The following LRRD1 variants were observed in gnomAD, a reference collection of about 807,000 sequenced individuals.
The protein encoded by LRRD1 is leucine rich repeats and death domain containing 1.
In LRRD1, 49 loss-of-function variants were observed where a neutral mutation model predicts 69.5. The observed-to-expected ratio is 0.70, with a 90% CI of 0.56 to 0.89. The LOEUF is 0.89. Ranked by LOEUF, LRRD1 falls within the 40% of genes least tolerant of loss-of-function variation. The pLI, the probability that LRRD1 is intolerant of heterozygous loss-of-function variation, is 0.00. For missense variants in LRRD1, 853 were observed against 956.0 expected (o/e 0.89, Z 1.42); for synonymous variants, 303 against 338.9 (o/e 0.89, Z 1.16).
At chr7:92,142,685 G>A, downstream of LRRD1, 1 of 403,994 alleles carries the variant, frequency 2.5e-6, no homozygotes, top group South Asian at 1.8e-5. Context: ...TCTTCCTTCT[G>A]GTGGGATCGT....
intron 1 of LRRD1, among the ~76,000 whole-genome samples, chr7:92,172,014 C>CT (rs1263786517): frequency 6.6e-6 from 1 of 152,168 alleles, no homozygotes; most frequent in Non-Finnish European, 1.5e-5. Flanking sequence ...GTCCCAGCTA[C>CT]TTAGGAAGGT....
At chr7:92,168,121 C>T (rs758914919) in intron 1 of LRRD1, among the ~76,000 whole-genome samples, 2 of 151,898 alleles carry the variant, frequency 1.3e-5, no homozygotes, top group African/African-American at 2.4e-5. Flanking sequence ...TTCCTAAGAC[C>T]GCAAAGGTGA....
Position 92,165,166 on chromosome 7 carries a change from C to T in LRRD1, c.37G>A (p.Asp13Asn), listed in dbSNP as rs992836478. The change falls in exon 2 of 6, where the codon GAT (aspartate) becomes AAT (asparagine). Residue 13 changes from aspartate to asparagine, a missense_variant. Coordinates refer to ENST00000458448, the MANE Select transcript of LRRD1 (RefSeq NM_001161528.2). ...TCTTTCCTAAATTGACTAATAGTAT[C>T]CTCTAGCACTTCTGACATACCCTCC... ...EKEGMSEVLE[D>N]TISQFRKESR... 1 of 1,527,716 alleles carries T rather than the reference C, an allele frequency of 6.5e-7. No homozygotes were observed. The highest frequency in any genetic ancestry group is 1.2e-5 in the South Asian group (1 of 80,482). 94.6% of individuals were successfully genotyped at this position (1,527,716 alleles called of 1,614,324 possible).
intron 4 of LRRD1, among the ~76,000 whole-genome samples, chr7:92,149,063 A>G (rs960915644): frequency 1.3e-5 from 2 of 152,102 alleles, no homozygotes; most frequent in Non-Finnish European, 2.9e-5. Flanking sequence ...CCCTTTTTAT[A>G]GTAACAATTA....
intron 4 of LRRD1, among the ~76,000 whole-genome samples, chr7:92,148,763 T>G (rs1322805387): frequency 1.7e-4 from 26 of 152,220 alleles, no homozygotes; most frequent in Non-Finnish European, 1.5e-5. Flanking sequence ...TCCTTTCATT[T>G]TTTAGACGGA....
At chr7:92,173,407 C>T (rs927127649) in intron 1 of LRRD1, among the ~76,000 whole-genome samples, 1 of 152,142 alleles carries the variant, frequency 6.6e-6, no homozygotes, top group African/African-American at 2.4e-5. Flanking sequence ...AGTGAAGAGA[C>T]AGCCCACACA....
chr7:92,147,546 T>C (rs897475252), intron 4 of LRRD1, among the ~76,000 whole-genome samples: 4 of 152,138 alleles, frequency 2.6e-5, no homozygotes, highest in African/African-American at 4.8e-5. Context: ...TGTACGTGCT[T>C]CTTTATGTGC....
intron 4 of LRRD1, among the ~76,000 whole-genome samples, chr7:92,147,947 G>T (rs963662571): frequency 3.9e-5 from 6 of 151,924 alleles, no homozygotes; most frequent in African/African-American, 1.2e-4. Context: ...GACAGAGTCT[G>T]GCTCTGTCAC....
rs147233788 is a variant in LRRD1 at position 92,172,954 on chromosome 7, G to A, written c.-75+6053C>T. ...TCCTGACTCCAAATTATACCCCAAAGTTATAGTAACCAAATCAACATGATA... is the reference window on the plus strand; with the variant it reads ...TCCTGACTCCAAATTATACCCCAAAATTATAGTAACCAAATCAACATGATA... On this transcript the variant is annotated intron_variant, in intron 1 of 5. Coordinates refer to ENST00000458448, the MANE Select transcript of LRRD1 (RefSeq NM_001161528.2). Among the ~76,000 whole-genome samples the A allele has an allele frequency of 9.7e-3, 1,475 of 152,126 alleles. 33 individuals are homozygous for A. The highest frequency in any genetic ancestry group is 0.034 in the African/African-American group (1,406 of 41,516).
At chr7:92,174,499 ATATATATATATTTTTTTTTTTTT>A (rs1309682993) in intron 1 of LRRD1, among the ~76,000 whole-genome samples, 5 of 18,776 alleles carry the variant, frequency 2.7e-4, no homozygotes, top group African/African-American at 1.1e-3. Flanking sequence ...ATATATATAT[ATATATATATATTTTTTTTTTTTT>A]TTTTTTTTTT....
chr7:92,163,772 C>T lies in LRRD1; in HGVS notation c.1431G>A (p.Met477Ile). Residue 477 changes from methionine (M) to isoleucine (I), a missense_variant, in exon 2 of 6, where the codon ATG becomes ATA. Met to Ile is a conservative substitution (Grantham distance 10). This residue lies in a region of LRRD1 where 739 missense variants were observed against 808.0 expected (regional missense o/e 0.91). Transcript: ENST00000458448. ...IKIELSYNKI[M>I]YFPLGLCALD... ...AAGCACACAGTCCCAATGGAAAATA[C>T]ATTATTTTGTTATAACTCAATTCAA... 6.6e-7 allele frequency: 1 copy of T among 1,507,936 alleles called. No homozygotes were observed. The highest frequency in any genetic ancestry group is 1.3e-5 in the South Asian group (1 of 76,716). 93.4% of individuals were successfully genotyped at this position (1,507,936 alleles called of 1,614,324 possible). A position where few individuals can be genotyped will look rare whatever the true frequency, so the allele number is the denominator to read the frequency against.
At chr7:92,178,273 A>T (rs942758688) in intron 1 of LRRD1, among the ~76,000 whole-genome samples, 1 of 152,152 alleles carries the variant, frequency 6.6e-6, no homozygotes, top group African/African-American at 2.4e-5. Flanking sequence ...AGATCACGCC[A>T]TTGCACTCCA....
Position 92,146,088 on chromosome 7 carries a change from T to C in LRRD1, c.2391A>G (p.Thr797=). The C allele has an allele frequency of 6.7e-7, 1 of 1,499,324 alleles. No individual in the cohort carries two copies. Among genetic ancestry groups the C allele is most frequent in the Non-Finnish European group, 9.0e-7 (1 of 1,114,292 alleles). The allele number at this position is 1,499,324 out of a possible 1,614,324, so 92.9% of individuals were successfully genotyped here. A position where few individuals can be genotyped will look rare whatever the true frequency, so the allele number is the denominator to read the frequency against. Residue 797 remains threonine (T), a synonymous_variant, in exon 5 of 6, where the codon ACA becomes ACG. Coordinates refer to ENST00000458448, the MANE Select transcript of LRRD1 (RefSeq NM_001161528.2). ...ATGCTGTCATTTATACATACCTCTTTGTAGGCATATCAGTTTCTGAGTTTG... is the reference window on the plus strand; with the variant it reads ...ATGCTGTCATTTATACATACCTCTTCGTAGGCATATCAGTTTCTGAGTTTG... ...NLANSETDMP[T]KSTVSLSERA... is the part of the protein sequence containing the mutation.
At chr7:92,160,376 A>G (rs1285269521) in intron 2 of LRRD1, among the ~76,000 whole-genome samples, 2 of 152,236 alleles carry the variant, frequency 1.3e-5, no homozygotes, top group African/African-American at 4.8e-5. Flanking sequence ...CCTATGAAAA[A>G]ATCAGGAAAT....
intron 3 of LRRD1, among the ~76,000 whole-genome samples, chr7:92,156,529 A>G (rs1463324527): frequency 6.6e-6 from 1 of 152,076 alleles, no homozygotes; most frequent in African/African-American, 2.4e-5. Context: ...AATTTGTTAG[A>G]TTTATTTATG....
intron 3 of LRRD1, among the ~76,000 whole-genome samples, chr7:92,157,029 C>CTTTTTT: frequency 8.9e-6 from 1 of 111,810 alleles, no homozygotes; most frequent in Non-Finnish European, 1.8e-5. Flanking sequence ...ATGATATTTG[C>CTTTTTT]TTTTTTTTTT....
chr7:92,159,330 A>G, intron 2 of LRRD1, 127 bp from the exon 3 acceptor site: 2 of 645,980 alleles, frequency 3.1e-6, no homozygotes, highest in Non-Finnish European at 4.9e-6. Flanking sequence ...GAGATTTTTT[A>G]TTATGTCACA....
At position 92,155,838 on chromosome 7, in the gene LRRD1, G is replaced by A. The variant is rs1788643496; in HGVS notation, c.2116+3167C>T. Among the ~76,000 whole-genome samples the A allele has an allele frequency of 2.0e-5, 3 of 152,340 alleles. No individual in the cohort carries two copies. In the South Asian group the frequency reaches 6.2e-4, roughly 32 times the overall value. ...TAAGTCCAAGAGTGCAAAAGCTGAA[G>A]AACTTGGAGTCCAGTGTTTGAGGGC... On this transcript the variant is annotated intron_variant, in intron 3 of 5. Transcript: ENST00000458448.
intron 2 of LRRD1, among the ~76,000 whole-genome samples, chr7:92,162,245 A>T (rs929679471): frequency 3.3e-5 from 5 of 152,226 alleles, no homozygotes; most frequent in Non-Finnish European, 7.3e-5. Flanking sequence ...AAATATGGGA[A>T]TATTTTGGGA....
Sources: gnomAD v4.1 joint callset for allele counts (sites outside exome capture counted in the v4.1 genomes callset) on GRCh38, gnomAD v4.1.1 for gene constraint, gnomAD v4.1.1 regional missense constraint, MANE v1.5 for transcripts, NCBI Gene and HGNC (gene_info 2026-07-23, HGNC 2026-07-21) for gene names.